The following MBD2 variants were observed in gnomAD, a reference collection of about 807,000 sequenced individuals.
MBD2 encodes the protein methyl-CpG binding domain protein 2, also known as methyl-CpG-binding domain protein 2.
MBD2 carries 9 observed loss-of-function variants against 39.3 expected under a neutral mutation model. The ratio of observed to expected loss-of-function variants is 0.23; its 90% CI spans 0.14 to 0.40. MBD2 has a LOEUF of 0.40. MBD2 is among the 10% of genes least tolerant of loss of function. The pLI, the probability that MBD2 is intolerant of heterozygous loss-of-function variation, is 1.00. For missense variants in MBD2, 458 were observed against 532.6 expected (o/e 0.86, Z 1.38); for synonymous variants, 233 against 211.1 (o/e 1.10, Z -0.90).
intron 2 of MBD2, among the ~76,000 whole-genome samples, chr18:54,198,246 C>A (rs375590349): frequency 1.3e-5 from 2 of 152,192 alleles, no homozygotes; most frequent in African/African-American, 4.8e-5. Context: ...GGCATTACTT[C>A]ATTAACTGAA....
At chr18:54,207,276 G>C (rs1451948004) in intron 1 of MBD2, among the ~76,000 whole-genome samples, 1 of 152,168 alleles carries the variant, frequency 6.6e-6, no homozygotes, top group Admixed American at 6.5e-5. Flanking sequence ...GAGGAGCACA[G>C]CAACATCCTG....
chr18:54,202,145 C>A (rs2086413187), intron 2 of MBD2, among the ~76,000 whole-genome samples: 2 of 151,920 alleles, frequency 1.3e-5, no homozygotes, highest in African/African-American at 4.8e-5. Flanking sequence ...GAGTTCGAGA[C>A]CAGCCTGGCC....
chr18:54,203,224 A>G lies in MBD2; in HGVS notation c.702+1774T>C, dbSNP rs2086422949. 4.8e-6 allele frequency: 6 copies of G among 1,250,268 alleles called. No homozygotes were observed. The Admixed American group carries it at 1.1e-4, about 23-fold the overall frequency. The allele number at this position is 1,250,268 out of a possible 1,614,324, so 77.4% of individuals were successfully genotyped here. ...AACATAACTAAACTGTGGTTCTGGT[A>G]ACAGTACAGTAATCTAAAAGTACTC... On this transcript the variant is annotated intron_variant, in intron 2 of 6. Transcript: ENST00000256429.
intron 1 of MBD2, among the ~76,000 whole-genome samples, chr18:54,217,284 G>C (rs1029832295): frequency 2.0e-5 from 3 of 152,006 alleles, no homozygotes; most frequent in Non-Finnish European, 2.9e-5. Flanking sequence ...ATTATACTGA[G>C]AACAAAGACA....
At chr18:54,163,846 G>A (rs1303240352) in intron 5 of MBD2, among the ~76,000 whole-genome samples, 2 of 151,874 alleles carry the variant, frequency 1.3e-5, no homozygotes, top group Non-Finnish European at 2.9e-5. Flanking sequence ...ACCAGTGAAG[G>A]AGGCAATCAG....
intron 1 of MBD2, among the ~76,000 whole-genome samples, chr18:54,211,172 ACTTT>A (rs1318953484): frequency 2.6e-5 from 4 of 152,048 alleles, no homozygotes; most frequent in Admixed American, 6.6e-5. Context: ...CGCCCGGCCA[ACTTT>A]CTATTTTTTA....
At chr18:54,180,548 C>A (rs1021730023) in intron 3 of MBD2, among the ~76,000 whole-genome samples, 1 of 152,038 alleles carries the variant, frequency 6.6e-6, no homozygotes, top group African/African-American at 2.4e-5. Flanking sequence ...TATGTAGTCA[C>A]CTATCCTTGG....
At chr18:54,209,347 G>T (rs532709354) in intron 1 of MBD2, among the ~76,000 whole-genome samples, 1 of 149,516 alleles carries the variant, frequency 6.7e-6, no homozygotes, top group South Asian at 2.1e-4. Context: ...AAACAAAAAG[G>T]CTAGACATCC....
In MBD2 at chr18:54,192,444, C is replaced by T. The variant is rs192189454; in HGVS notation, c.703-3433G>A. Among the ~76,000 whole-genome samples, 300 of 152,158 alleles carry T rather than the reference C, an allele frequency of 2.0e-3. 1 individual carries two copies. Among genetic ancestry groups the T allele is most frequent in the Admixed American group, 3.7e-3 (56 of 15,274 alleles). On this transcript the variant is annotated intron_variant, in intron 2 of 6. Coordinates refer to ENST00000256429, the MANE Select transcript of MBD2 (RefSeq NM_003927.5). ...GACAGGGTTTCACCATGTTGGCCAG[C>T]ATGGTCTCGATCTCTTGACCTTGTG...
chr18:54,206,210 A>C (rs2086448733), intron 1 of MBD2, among the ~76,000 whole-genome samples: 1 of 152,268 alleles, frequency 6.6e-6, no homozygotes, highest in Admixed American at 6.5e-5. Flanking sequence ...TCTTGTAAGT[A>C]ATACTGCCAA....
chr18:54,217,713 A>G (rs1295429048), intron 1 of MBD2, among the ~76,000 whole-genome samples: 1 of 152,220 alleles, frequency 6.6e-6, no homozygotes, highest in Non-Finnish European at 1.5e-5. Flanking sequence ...TCATTAACTA[A>G]ATTTTTAAAA....
intron 2 of MBD2, among the ~76,000 whole-genome samples, chr18:54,191,785 G>A (rs1226711232): frequency 6.6e-6 from 1 of 152,074 alleles, no homozygotes; most frequent in Non-Finnish European, 1.5e-5. Context: ...TGTTTGTATT[G>A]GGCAATCCTG....
In MBD2 at chr18:54,208,343, T is replaced by C. The variant is rs539516431; in HGVS notation, c.543-3186A>G. On this transcript the variant is annotated intron_variant, in intron 1 of 6. Coordinates refer to ENST00000256429, the MANE Select transcript of MBD2 (RefSeq NM_003927.5). ...ACCCATCTCTACTAAAAATACAAAA[T>C]TAGCCAGGCGTTGTGACGCATGCCT... is the stretch of plus-strand genomic sequence containing the variant. Among the ~76,000 whole-genome samples, 361 of 151,942 alleles carry C rather than the reference T, an allele frequency of 2.4e-3. 1 individual carries two copies. Among genetic ancestry groups the C allele is most frequent in the African/African-American group, 8.4e-3 (349 of 41,436 alleles).
At chr18:54,211,200 T>C (rs2086503305) in intron 1 of MBD2, among the ~76,000 whole-genome samples, 1 of 152,084 alleles carries the variant, frequency 6.6e-6, no homozygotes, top group South Asian at 2.1e-4. Flanking sequence ...TCTCTTTAAA[T>C]GTTAACACTT....
chr18:54,183,411 TA>T (rs1373655297), intron 3 of MBD2, among the ~76,000 whole-genome samples: 2 of 152,106 alleles, frequency 1.3e-5, no homozygotes, highest in Non-Finnish European at 2.9e-5. Context: ...CTCAACATTT[TA>T]AAAGACAGAT....
intron 6 of MBD2, among the ~76,000 whole-genome samples, chr18:54,157,782 A>T (rs2086063936): frequency 6.6e-6 from 1 of 152,018 alleles, no homozygotes; most frequent in East Asian, 1.9e-4. Flanking sequence ...GTTCCCTCCC[A>T]CCCAGCTCAA....
chr18:54,188,241 T>A (rs1325804275), intron 3 of MBD2, among the ~76,000 whole-genome samples: 2 of 152,180 alleles, frequency 1.3e-5, no homozygotes, highest in African/African-American at 4.8e-5. Context: ...CAGCATTTTG[T>A]CCAGTCTCCC....
chr18:54,177,538 T>C (rs1194289122), intron 3 of MBD2, among the ~76,000 whole-genome samples: 1 of 152,050 alleles, frequency 6.6e-6, no homozygotes, highest in African/African-American at 2.4e-5. Flanking sequence ...TGGAGTGCAG[T>C]GGCGCGATCT....
chr18:54,155,880 GT>G (rs2086048362), intron 6 of MBD2, among the ~76,000 whole-genome samples: 1 of 152,070 alleles, frequency 6.6e-6, no homozygotes, highest in Non-Finnish European at 1.5e-5. Flanking sequence ...TCACACCTTT[GT>G]TTTTACAGTC....
Sources: allele counts gnomAD v4.1 joint callset (sites outside exome capture counted in the v4.1 genomes callset), GRCh38; gene constraint gnomAD v4.1.1; transcripts MANE v1.5; gene names NCBI Gene and HGNC (gene_info 2026-07-23, HGNC 2026-07-21).